The following MLYCD variants were observed in gnomAD, a reference collection of about 807,000 sequenced individuals.
The protein encoded by MLYCD is malonyl-CoA decarboxylase, mitochondrial.
Under a neutral mutation model 35.8 loss-of-function variants are expected in MLYCD, and 27 were observed. The ratio of observed to expected loss-of-function variants is 0.75; its 90% CI spans 0.56 to 1.04. The LOEUF is 1.04. Ranked by LOEUF, MLYCD falls within the 50% of genes least tolerant of loss-of-function variation. The pLI, the probability that MLYCD is intolerant of heterozygous loss-of-function variation, is 0.00. For missense variants in MLYCD, 917 were observed against 665.1 expected, an observed-to-expected ratio of 1.38 and a Z score of -4.17; for synonymous variants, 403 against 302.4, an observed-to-expected ratio of 1.33 and a Z score of -3.45.
chr16:83,901,183 C>G (rs995219018), intron 1 of MLYCD, among the ~76,000 whole-genome samples: 2 of 152,210 alleles, frequency 1.3e-5, no homozygotes, highest in African/African-American at 2.4e-5. Flanking sequence ...TTGCATGACA[C>G]AGAATCAGTC....
intron 1 of MLYCD, among the ~76,000 whole-genome samples, chr16:83,905,876 G>A (rs146122488): frequency 1.1e-4 from 17 of 152,358 alleles, no homozygotes; most frequent in Non-Finnish European, 1.6e-4. Context: ...AGGCAGCACC[G>A]AGGCGACGCT....
intron 2 of MLYCD, 52 bp from the exon 3 acceptor site, chr16:83,908,074 C>G: frequency 6.2e-7 from 1 of 1,607,546 alleles, no homozygotes; most frequent in Non-Finnish European, 8.5e-7. Context: ...AGTCAGCAGC[C>G]GTTGCTTGTG....
chr16:83,906,129 G>A (rs1260272413), intron 1 of MLYCD, among the ~76,000 whole-genome samples: 3 of 152,182 alleles, frequency 2.0e-5, no homozygotes, highest in Non-Finnish European at 4.4e-5. Context: ...GCTGACGCCT[G>A]TAATCCCAGC....
chr16:83,908,351 T>G, intron 3 of MLYCD, 69 bp downstream of exon 3: 1 of 1,551,622 alleles, frequency 6.4e-7, no homozygotes, highest in Non-Finnish European at 8.7e-7. Context: ...TTGTTTTGTT[T>G]TGTTTTTACT....
chr16:83,900,819 G>C (rs1298791508), intron 1 of MLYCD, among the ~76,000 whole-genome samples: 2 of 152,102 alleles, frequency 1.3e-5, no homozygotes, highest in Non-Finnish European at 2.9e-5. Flanking sequence ...GTCTTACGTG[G>C]GTGATAACAC....
In MLYCD at chr16:83,912,249, C is replaced by T. The variant is rs556609058; in HGVS notation, c.830C>T (p.Thr277Ile). The change falls in exon 4 of 5, where the codon ACA (threonine) becomes ATA (isoleucine). Residue 277 changes from threonine (T) to isoleucine (I), a missense_variant. Thr to Ile is a moderately conservative substitution (Grantham distance 89). Transcript: ENST00000262430. ...GTGAAGGAACATCCTCCATCAGAAACAGAAGAGAAGAACAAAATCACTGCT... is the reference window on the plus strand; with the variant it reads ...GTGAAGGAACATCCTCCATCAGAAATAGAAGAGAAGAACAAAATCACTGCT... ...AIVKEHPPSETEEKNKITAAI... is the reference protein window; with the variant it reads ...AIVKEHPPSEIEEKNKITAAI... The T allele has an allele frequency of 3.1e-6, 5 of 1,614,172 alleles. No individual in the cohort carries two copies. The highest frequency in any genetic ancestry group is 4.5e-5 in the East Asian group (2 of 44,868).
At chr16:83,907,646 C>A (rs1340515063) in intron 2 of MLYCD, among the ~76,000 whole-genome samples, 9 of 152,116 alleles carry the variant, frequency 5.9e-5, no homozygotes. Context: ...TGAAAAGTGT[C>A]CTATTTGAAA....
Position 83,918,673 on chromosome 16 carries a change from G to T in MLYCD, c.*3184G>T. On this transcript the variant is annotated 3_prime_UTR_variant, in exon 5 of 5. Coordinates refer to ENST00000262430, the MANE Select transcript of MLYCD (RefSeq NM_012213.3). The stretch of plus-strand genomic sequence containing the variant: ...GCACAGGAGAACACAGTGCACAGGA[G>T]AATACAGACTGCACAGAACACACGC... 1 of 143,628 alleles carries T rather than the reference G, an allele frequency of 7.0e-6. No homozygotes were observed. Among genetic ancestry groups the T allele is most frequent in the Non-Finnish European group, 1.5e-5 (1 of 66,692 alleles). The allele number at this position is 143,628 out of a possible 1,614,324, so 8.9% of individuals were successfully genotyped here.
intron 3 of MLYCD, among the ~76,000 whole-genome samples, chr16:83,911,225 G>C (rs190383584): frequency 6.6e-6 from 1 of 152,048 alleles, no homozygotes; most frequent in Non-Finnish European, 1.5e-5. Flanking sequence ...TGATCTGCCC[G>C]CCTCGGCCTC....
chr16:83,915,862 C>G lies in MLYCD; in HGVS notation c.*373C>G, dbSNP rs531404635. The G allele has an allele frequency of 1.7e-6, 2 of 1,190,024 alleles. No homozygotes were observed. The highest frequency in any genetic ancestry group is 3.1e-5 in the African/African-American group (2 of 63,872). 73.7% of individuals were successfully genotyped at this position (1,190,024 alleles called of 1,614,324 possible). ...GGGGGATCTGGCATCCTCCTAAGGA[C>G]CGGGGCGCGTGGCCCAGATAAGAAT... On this transcript the variant is annotated 3_prime_UTR_variant, in exon 5 of 5. Transcript: ENST00000262430.
rs779188476 is a variant in MLYCD, at chr16:83,908,294, G to A, written c.798+12G>A. The A allele has an allele frequency of 6.2e-7, 1 of 1,613,538 alleles. No individual in the cohort carries two copies. On this transcript the variant is annotated intron_variant, in intron 3 of 4. Coordinates refer to ENST00000262430, the MANE Select transcript of MLYCD (RefSeq NM_012213.3). ...CCAGCAACATCCAGGTACCTGCGATGGTCAATTCGGGACAAGATGGGCACC... is the reference window on the plus strand; with the variant it reads ...CCAGCAACATCCAGGTACCTGCGATAGTCAATTCGGGACAAGATGGGCACC...
rs1907657736 is a variant in MLYCD at position 83,921,643 on chromosome 16, A to G, written c.*6154A>G. ...CTCTATGATACTGCACTGAACCAAT[A>G]TTCCCCTCACTTCATGGGTGTTACA... On this transcript the variant is annotated 3_prime_UTR_variant, in exon 5 of 5. Coordinates refer to ENST00000262430, the MANE Select transcript of MLYCD (RefSeq NM_012213.3). The G allele has an allele frequency of 6.6e-6, 1 of 152,136 alleles. No individual in the cohort carries two copies. Among genetic ancestry groups the G allele is most frequent in the Non-Finnish European group, 1.5e-5 (1 of 68,046 alleles). 9.4% of individuals were successfully genotyped at this position (152,136 alleles called of 1,614,324 possible).
At chr16:83,910,063 G>A (rs62047933) in intron 3 of MLYCD, among the ~76,000 whole-genome samples, 30,732 of 152,118 alleles carry the variant, frequency 0.2, 3,254 homozygotes, top group Middle Eastern at 0.28. Context: ...GGGCACGTGA[G>A]AATGTGCGTG....
At chr16:83,902,077 C>G (rs1393815223) in intron 1 of MLYCD, among the ~76,000 whole-genome samples, 1 of 149,728 alleles carries the variant, frequency 6.7e-6, no homozygotes, top group Admixed American at 6.7e-5. Context: ...CCTTCCCCTT[C>G]CCTTGTTCTA....
chr16:83,920,018 G>T lies in MLYCD; in HGVS notation c.*4529G>T, dbSNP rs577208076. The T allele has an allele frequency of 6.6e-6, 1 of 151,038 alleles. No individual in the cohort carries two copies. Among genetic ancestry groups the T allele is most frequent in the Non-Finnish European group, 1.5e-5 (1 of 68,128 alleles). 9.4% of individuals were successfully genotyped at this position (151,038 alleles called of 1,614,324 possible). A position where few individuals can be genotyped will look rare whatever the true frequency, so the allele number is the denominator to read the frequency against. ...GACACAACAGAACACACGTGCACAGGAGAACACAGTACACACACAGCGCAC... is the reference window on the plus strand; with the variant it reads ...GACACAACAGAACACACGTGCACAGTAGAACACAGTACACACACAGCGCAC... On this transcript the variant is annotated 3_prime_UTR_variant, in exon 5 of 5. Coordinates refer to ENST00000262430, the MANE Select transcript of MLYCD (RefSeq NM_012213.3).
rs372255821 is a variant in MLYCD at position 83,915,250 on chromosome 16, G to C, written c.1243G>C (p.Ala415Pro). 2.5e-6 allele frequency: 4 copies of C among 1,612,608 alleles called. No individual in the cohort carries two copies. Among genetic ancestry groups the C allele is most frequent in the African/African-American group, 1.3e-5 (1 of 74,910 alleles). Residue 415 changes from alanine to proline, a missense_variant, in exon 5 of 5, where the codon GCG (alanine) becomes CCG (proline). Transcript: ENST00000262430. Reference protein sequence around the residue: ...YLYGEKHRGYALNPVANFHLQ... With the variant: ...YLYGEKHRGYPLNPVANFHLQ... ...GTATGGAGAGAAGCACCGCGGCTAC[G>C]CGCTGAACCCCGTGGCCAACTTCCA...
At position 83,920,515 on chromosome 16, in the gene MLYCD, C is replaced by T. The variant is rs1000443001; in HGVS notation, c.*5026C>T. 6 of 152,518 alleles carry T rather than the reference C, an allele frequency of 3.9e-5. No individual in the cohort carries two copies. The highest frequency in any genetic ancestry group is 1.4e-4 in the African/African-American group (6 of 41,570). 9.4% of individuals were successfully genotyped at this position (152,518 alleles called of 1,614,324 possible). On this transcript the variant is annotated 3_prime_UTR_variant, in exon 5 of 5. Transcript: ENST00000262430. The stretch of plus-strand genomic sequence containing the variant: ...TTCATTCTCGTTCTCTCCCTCTTCC[C>T]TTTCCCCTTCCTCCCTCCTGCCCTC...
In MLYCD at chr16:83,908,118, C is replaced by T. The variant is rs757354610; in HGVS notation, c.642-8C>T. 1.1e-5 allele frequency: 17 copies of T among 1,614,044 alleles called. No individual in the cohort carries two copies. The highest frequency in any genetic ancestry group is 3.3e-5 in the South Asian group (3 of 91,084). The stretch of plus-strand genomic sequence containing the variant: ...ATTTGTCTTGTCTCTTTATAAATTC[C>T]GCCCCAGGGCTGAGGCTGTGCATCC... On this transcript the variant is annotated splice_polypyrimidine_tract_variant and splice_region_variant and intron_variant, in intron 2 of 4. Coordinates refer to ENST00000262430, the MANE Select transcript of MLYCD (RefSeq NM_012213.3).
At position 83,912,391 on chromosome 16, in the gene MLYCD, G is replaced by A. The variant is rs775963247; in HGVS notation, c.948+24G>A. On this transcript the variant is annotated intron_variant, in intron 4 of 4. Transcript: ENST00000262430. ...AGGTAAGCGACACGCAGGGAGCCCC[G>A]GTCACGCTTGGCTTCCGTGTGGTCA... 21 of 1,613,644 alleles carry A rather than the reference G, an allele frequency of 1.3e-5. 1 individual carries two copies. In the South Asian group the frequency reaches 1.8e-4, roughly 14 times the overall value.
Sources: allele counts gnomAD v4.1 joint callset (sites outside exome capture counted in the v4.1 genomes callset), GRCh38; gene constraint gnomAD v4.1.1; transcripts MANE v1.5; gene names NCBI Gene and HGNC (gene_info 2026-07-23, HGNC 2026-07-21).